Variants in EYS observed in about 807,000 individuals in gnomAD.
EYS encodes protein eyes shut homolog.
A neutral mutation model predicts 282.1 loss-of-function variants in EYS; 250 were observed. That is an observed-to-expected ratio of 0.89 (90% CI 0.80 to 0.98). EYS has a LOEUF of 0.98. Among genes scored for constraint, EYS ranks in the 50% least tolerant of loss-of-function variants. The probability of loss-of-function intolerance (pLI) is 0.00; values close to 1 mark genes in which losing one functional copy is unlikely to be tolerated. For missense variants in EYS, 4,016 were observed against 3,709.0 expected (o/e 1.08, Z -2.15); for synonymous variants, 1,355 against 1,282.9 (o/e 1.06, Z -1.20).
chr6:64,737,438 C>A (rs1261000391), intron 22 of EYS, among the ~76,000 whole-genome samples: 1 of 152,148 alleles, frequency 6.6e-6, no homozygotes, highest in Non-Finnish European at 1.5e-5. Context: ...AATGGTAATT[C>A]ATTATCCAAT....
intron 26 of EYS, among the ~76,000 whole-genome samples, chr6:64,503,215 A>AAG (rs1454156950): frequency 2.0e-5 from 3 of 152,204 alleles, no homozygotes; most frequent in Non-Finnish European, 4.4e-5. Context: ...ATATCTATGG[A>AAG]AACATTTGGC....
At chr6:64,307,819 TGTATCTCATAACATCA>T (rs1769512031) in intron 29 of EYS, among the ~76,000 whole-genome samples, 3 of 151,710 alleles carry the variant, frequency 2.0e-5, no homozygotes, top group Non-Finnish European at 4.4e-5. Flanking sequence ...CATAACATCA[TGTATCTCATAACATCA>T]TGTGGCCCAT....
chr6:64,395,771 C>T (rs1336625125), intron 28 of EYS, among the ~76,000 whole-genome samples: 1 of 145,204 alleles, frequency 6.9e-6, no homozygotes, highest in South Asian at 2.1e-4. Context: ...TACCCTAAAA[C>T]TTAAAGTATA....
chr6:65,514,070 G>C lies in EYS; in HGVS notation c.-332-18077C>G, dbSNP rs1265475168. 4.6e-5 allele frequency among the ~76,000 whole-genome samples: 7 copies of C among 152,080 alleles called. No individual in the cohort carries two copies. In the East Asian group the frequency reaches 9.7e-4, roughly 21 times the overall value. Reference sequence around the variant, plus strand: ...TTGTCTCAGCCCAAAATCTCCTTAAGCTGATAAGCAACTTCAGCAAAGTCT... The same window carrying C: ...TTGTCTCAGCCCAAAATCTCCTTAACCTGATAAGCAACTTCAGCAAAGTCT... On this transcript the variant is annotated intron_variant, in intron 2 of 42. Transcript: ENST00000503581.
chr6:64,555,634 A>T (rs1562059511), intron 26 of EYS, among the ~76,000 whole-genome samples: 1 of 152,068 alleles, frequency 6.6e-6, no homozygotes, highest in East Asian at 1.9e-4. Context: ...AAATAAATTT[A>T]AAAAATATAT....
chr6:65,606,999 G>A (rs1027315012), intron 2 of EYS, among the ~76,000 whole-genome samples: 17 of 151,522 alleles, frequency 1.1e-4, no homozygotes, highest in Admixed American at 6.6e-5. Context: ...ATCTAAGAAT[G>A]GGAATGAGAT....
chr6:65,106,997 C>T (rs1158549435), intron 12 of EYS, among the ~76,000 whole-genome samples: 1 of 152,022 alleles, frequency 6.6e-6, no homozygotes, highest in African/African-American at 2.4e-5. Flanking sequence ...TGCTGCTCCT[C>T]ACCCCCGCTC....
intron 26 of EYS, among the ~76,000 whole-genome samples, chr6:64,481,856 C>G (rs1776447270): frequency 6.6e-6 from 1 of 151,542 alleles, no homozygotes; most frequent in Non-Finnish European, 1.5e-5. Flanking sequence ...AGACAAAGTG[C>G]TTAATATCTG....
At chr6:64,034,811 A>T (rs565654627) in intron 33 of EYS, among the ~76,000 whole-genome samples, 1 of 152,290 alleles carries the variant, frequency 6.6e-6, no homozygotes, top group South Asian at 2.1e-4. Flanking sequence ...GAATAATGAC[A>T]AGCAACACGA....
Position 64,805,322 on chromosome 6 carries a change from T to C in EYS, c.3443+8056A>G, listed in dbSNP as rs1340431282. Among the ~76,000 whole-genome samples, 2 of 152,012 alleles carry C rather than the reference T, an allele frequency of 1.3e-5. 1 individual carries two copies. Among genetic ancestry groups the C allele is most frequent in the Admixed American group, 1.3e-4 (2 of 15,272 alleles). On this transcript the variant is annotated intron_variant, in intron 22 of 42. Transcript: ENST00000503581. The stretch of plus-strand genomic sequence containing the variant: ...CAAACACTATTTGTGTTTGATAGAA[T>C]GAAATCTATTATATTGAATGCATAG...
intron 13 of EYS, among the ~76,000 whole-genome samples, chr6:65,041,492 T>C (rs866994423): frequency 6.6e-5 from 10 of 151,758 alleles, no homozygotes; most frequent in Non-Finnish European, 1.0e-4. Flanking sequence ...CTTTTACTGG[T>C]AATGTCCTGG....
intron 26 of EYS, among the ~76,000 whole-genome samples, chr6:64,514,670 C>T (rs1278649644): frequency 2.0e-5 from 3 of 151,770 alleles, no homozygotes; most frequent in Non-Finnish European, 4.4e-5. Context: ...AAAACAGATT[C>T]TTCAGGACTC....
intron 22 of EYS, among the ~76,000 whole-genome samples, chr6:64,716,927 T>C (rs190501300): frequency 2.0e-5 from 3 of 152,320 alleles, no homozygotes; most frequent in Admixed American, 1.3e-4. Flanking sequence ...CCTGTAGCAA[T>C]GAACTCATGA....
intron 26 of EYS, among the ~76,000 whole-genome samples, chr6:64,468,544 T>G (rs1182194894): frequency 6.6e-6 from 1 of 152,192 alleles, no homozygotes; most frequent in Non-Finnish European, 1.5e-5. Flanking sequence ...GTGTGCAAGT[T>G]TGTTGCAAAG....
chr6:64,859,753 T>C (rs184636796), intron 19 of EYS, among the ~76,000 whole-genome samples: 19 of 152,320 alleles, frequency 1.2e-4, no homozygotes, highest in Admixed American at 7.8e-4. Flanking sequence ...CTTTCTTTTG[T>C]AATTTGCCCA....
intron 9 of EYS, among the ~76,000 whole-genome samples, chr6:65,344,731 T>A (rs2150320448): frequency 6.6e-6 from 1 of 151,720 alleles, no homozygotes; most frequent in South Asian, 2.1e-4. Flanking sequence ...TGAGAGATTT[T>A]GAAATTGTAG....
intron 22 of EYS, among the ~76,000 whole-genome samples, chr6:64,759,239 G>A (rs1773082284): frequency 6.6e-6 from 1 of 152,136 alleles, no homozygotes; most frequent in Non-Finnish European, 1.5e-5. Context: ...GGTGATACTT[G>A]TTTCAAGCGA....
intron 36 of EYS, among the ~76,000 whole-genome samples, chr6:63,863,778 C>A (rs1425591527): frequency 6.6e-6 from 1 of 150,540 alleles, no homozygotes; most frequent in South Asian, 2.1e-4. Context: ...TGGGTTCAAG[C>A]GATTCTCGAG....
rs1766138984 is a variant in EYS at position 65,210,209 on chromosome 6, C to A, written c.2023+85654G>T. ...AAATTTTAAAGTGCTTTAGAATTGA[C>A]AAATTACATGCGAATGCGTAATATG... On this transcript the variant is annotated intron_variant, in intron 12 of 42. Coordinates refer to ENST00000503581, the MANE Select transcript of EYS (RefSeq NM_001142800.2). Among the ~76,000 whole-genome samples, 6 of 151,966 alleles carry A rather than the reference C, an allele frequency of 3.9e-5. 1 individual carries two copies. Among genetic ancestry groups the A allele is most frequent in the Admixed American group, 3.3e-4 (5 of 15,250 alleles).
Sources: allele counts gnomAD v4.1 joint callset (sites outside exome capture counted in the v4.1 genomes callset), GRCh38; gene constraint gnomAD v4.1.1; transcripts MANE v1.5; gene names NCBI Gene and HGNC (gene_info 2026-07-23, HGNC 2026-07-21).